The following PTPRN2 variants were observed in gnomAD, a reference collection of about 807,000 sequenced individuals.
PTPRN2 encodes the protein receptor-type tyrosine-protein phosphatase N2.
A neutral mutation model predicts 118.8 loss-of-function variants in PTPRN2; 74 were observed. That is an observed-to-expected ratio of 0.62 (90% CI 0.52 to 0.76). The LOEUF (loss-of-function observed/expected upper bound fraction) is 0.76. PTPRN2 is among the 30% of genes least tolerant of loss of function. The pLI is 0.00. For missense variants in PTPRN2, 1,481 were observed against 1,394.4 expected, an observed-to-expected ratio of 1.06 and a Z score of -0.99; for synonymous variants, 641 against 608.0, an observed-to-expected ratio of 1.05 and a Z score of -0.80.
intron 11 of PTPRN2, among the ~76,000 whole-genome samples, chr7:158,055,234 T>C (rs1481348057): frequency 6.6e-6 from 1 of 151,962 alleles, no homozygotes; most frequent in African/African-American, 2.4e-5. Flanking sequence ...GGGGACACAG[T>C]GAGAAGTGAC....
At chr7:157,543,556 G>GGGGTAA (rs1196691220) in intron 22 of PTPRN2, among the ~76,000 whole-genome samples, 1 of 152,246 alleles carries the variant, frequency 6.6e-6, no homozygotes, top group Non-Finnish European at 1.5e-5. Context: ...ACCCGCTGCT[G>GGGGTAA]GGGTAAGGGT....
intron 12 of PTPRN2, among the ~76,000 whole-genome samples, chr7:157,712,751 CAAAAAAA>C (rs755055515): frequency 1.7e-4 from 15 of 89,898 alleles, no homozygotes; most frequent in Admixed American, 3.9e-4. Context: ...AACTCCATCT[CAAAAAAA>C]AAAAAAAAAA....
intron 1 of PTPRN2, among the ~76,000 whole-genome samples, chr7:158,527,272 C>T (rs1202191185): frequency 6.6e-6 from 1 of 152,026 alleles, no homozygotes; most frequent in Non-Finnish European, 1.5e-5. Flanking sequence ...CCACAAGGCG[C>T]GTCCTGGGCC....
At position 158,570,515 on chromosome 7, in the gene PTPRN2, C is replaced by T; in HGVS notation, c.112+17043G>A. Among the ~76,000 whole-genome samples, 1 of 152,182 alleles carries T rather than the reference C, an allele frequency of 6.6e-6. No individual in the cohort carries two copies. The highest frequency in any genetic ancestry group is 1.9e-4 in the East Asian group (1 of 5,182). ...CGACCCCTCAACTGACGCGTCTCCC[C>T]GTGGTGGGTCCCGATCCCCCGGCCG... is the stretch of plus-strand genomic sequence containing the variant. On this transcript the variant is annotated intron_variant, in intron 1 of 22. Transcript: ENST00000389418. This position sits in a 1 kb window ranked among gnomAD's most constrained non-coding sequence, Gnocchi z 4.5.
chr7:158,164,163 C>T (rs1238845018), intron 6 of PTPRN2, among the ~76,000 whole-genome samples: 2 of 152,186 alleles, frequency 1.3e-5, no homozygotes, highest in African/African-American at 2.4e-5. Context: ...AACGAGAAGG[C>T]GCCAAGGCAG....
intron 4 of PTPRN2, among the ~76,000 whole-genome samples, chr7:158,195,621 A>T (rs66598579): frequency 0.029 from 1,404 of 47,782 alleles, 13 homozygotes; most frequent in African/African-American, 0.16. Flanking sequence ...GGTGTTTTTT[A>T]TTTTTTTTTA....
intron 5 of PTPRN2, among the ~76,000 whole-genome samples, chr7:158,178,714 C>G (rs942469950): frequency 2.0e-5 from 3 of 150,200 alleles, no homozygotes; most frequent in Non-Finnish European, 4.4e-5. Context: ...TCTCCTCCTT[C>G]AGCCTCCCAA....
At chr7:158,417,033 C>A (rs1285140333) in intron 2 of PTPRN2, among the ~76,000 whole-genome samples, 1 of 118,952 alleles carries the variant, frequency 8.4e-6, no homozygotes, top group African/African-American at 2.7e-5. Context: ...TCTCACTGTC[C>A]CCCTGTGCTA....
At chr7:157,556,900 G>A (rs1276870381) in intron 21 of PTPRN2, among the ~76,000 whole-genome samples, 1 of 147,928 alleles carries the variant, frequency 6.8e-6, no homozygotes, top group East Asian at 2.0e-4. Flanking sequence ...ACATATGCAT[G>A]CACACACATA....
chr7:158,582,796 CAA>C (rs1156687117), intron 1 of PTPRN2, among the ~76,000 whole-genome samples: 1,679 of 43,984 alleles, frequency 0.038, 7 homozygotes, highest in African/African-American at 0.13. Context: ...GACTCCATCT[CAA>C]AAAAAAAAAA....
At chr7:158,163,702 C>T (rs1822589813) in intron 6 of PTPRN2, among the ~76,000 whole-genome samples, 3 of 151,468 alleles carry the variant, frequency 2.0e-5, no homozygotes, top group African/African-American at 7.3e-5. Context: ...GATCAATATT[C>T]TCTGTGTATT....
intron 14 of PTPRN2, among the ~76,000 whole-genome samples, chr7:157,637,282 T>G (rs1804378028): frequency 6.6e-6 from 1 of 152,216 alleles, no homozygotes; most frequent in African/African-American, 2.4e-5. Context: ...AAACAGTTCA[T>G]GAAATGCAAC....
rs991055866 is a variant in PTPRN2 at position 157,619,516 on chromosome 7, A to G, written c.2344+1846T>C. Among the ~76,000 whole-genome samples the G allele has an allele frequency of 2.0e-5, 3 of 152,114 alleles. No homozygotes were observed. The highest frequency in any genetic ancestry group is 2.9e-5 in the Non-Finnish European group (2 of 68,012). On this transcript the variant is annotated intron_variant, in intron 15 of 22. Transcript: ENST00000389418. This position sits in a 1 kb window ranked among gnomAD's most constrained non-coding sequence, Gnocchi z 5.3. ...CCGACACAGGGCCGGTGCTTAGTAA[A>G]TATCTGTTAGTTGGCTAATGGGATG... is the stretch of plus-strand genomic sequence containing the variant.
chr7:157,650,325 T>C (rs775729542), intron 14 of PTPRN2, among the ~76,000 whole-genome samples: 1 of 152,230 alleles, frequency 6.6e-6, no homozygotes, highest in Non-Finnish European at 1.5e-5. Context: ...GGGGGGACTA[T>C]GTACCCCTCC....
chr7:158,107,908 G>T (rs1815817340), intron 10 of PTPRN2, among the ~76,000 whole-genome samples: 3 of 144,324 alleles, frequency 2.1e-5, no homozygotes, highest in African/African-American at 7.8e-5. Context: ...CCATGTACCT[G>T]CCCCCTCTCT....
At chr7:158,504,414 A>T (rs569870047) in intron 1 of PTPRN2, among the ~76,000 whole-genome samples, 1 of 151,860 alleles carries the variant, frequency 6.6e-6, no homozygotes, top group African/African-American at 2.4e-5. Flanking sequence ...TGCTCCCGTC[A>T]TTCAGCTCCC....
intron 11 of PTPRN2, among the ~76,000 whole-genome samples, chr7:158,002,220 G>A (rs544299462): frequency 1.3e-3 from 204 of 152,328 alleles, no homozygotes; most frequent in South Asian, 6.8e-3. Context: ...GTCATCAGGC[G>A]AGTGCTGCCT....
At chr7:157,739,373 C>T (rs1028349401) in intron 12 of PTPRN2, 1 of 152,286 alleles carries the variant, frequency 6.6e-6, no homozygotes, top group African/African-American at 2.4e-5. Flanking sequence ...CTCTCTCACC[C>T]CGGCATCTGC....
At chr7:158,206,017 T>C (rs1827115639) in intron 3 of PTPRN2, among the ~76,000 whole-genome samples, 1 of 152,130 alleles carries the variant, frequency 6.6e-6, no homozygotes, top group African/African-American at 2.4e-5. Flanking sequence ...AGGACTACAA[T>C]TCCTGGGCAA....
Sources: allele counts gnomAD v4.1 joint callset (sites outside exome capture counted in the v4.1 genomes callset), GRCh38; gene constraint gnomAD v4.1.1; non-coding constraint Gnocchi (gnomAD v3.1); transcripts MANE v1.5; gene names NCBI Gene and HGNC (gene_info 2026-07-23, HGNC 2026-07-21).